FBLN7: variants seen among roughly 807,000 people sequenced by gnomAD.
The protein encoded by FBLN7 is fibulin 7, also known as fibulin-7.
FBLN7 carries 31 observed loss-of-function variants against 44.0 expected under a neutral mutation model. The ratio of observed to expected loss-of-function variants is 0.70; its 90% CI spans 0.53 to 0.95. FBLN7 has a LOEUF of 0.95. FBLN7 is among the 40% of genes least tolerant of loss of function. FBLN7 has a pLI of 0.00. For synonymous variants in FBLN7, 262 were observed against 253.4 expected (o/e 1.03, Z -0.32); for missense variants, 573 against 618.5 (o/e 0.93, Z 0.78).
intron 2 of FBLN7, among the ~76,000 whole-genome samples, chr2:112,164,342 T>C (rs1461986948): frequency 6.6e-6 from 1 of 152,206 alleles, no homozygotes; most frequent in Non-Finnish European, 1.5e-5. Context: ...CACAGGAACA[T>C]AGGCCAGATG....
intron 5 of FBLN7, chr2:112,182,152 C>G (rs887114456): frequency 6.6e-6 from 3 of 457,306 alleles, no homozygotes; most frequent in Non-Finnish European, 1.2e-5. Context: ...ACCCTCCATC[C>G]CCTCCGCCCT....
At chr2:112,205,936 AGT>A in the FBLN7 span, among the ~76,000 whole-genome samples, 1 of 152,184 alleles carries the variant, frequency 6.6e-6, no homozygotes, top group Non-Finnish European at 1.5e-5. Flanking sequence ...ATGTTGAGAC[AGT>A]GTAGAATTGG....
Position 112,187,194 on chromosome 2 carries a change from C to T in FBLN7, c.1008C>T (p.Thr336=), listed in dbSNP as rs1441604404. 6.2e-7 allele frequency: 1 copy of T among 1,614,112 alleles called. No individual in the cohort carries two copies. The highest frequency in any genetic ancestry group is 8.5e-7 in the Non-Finnish European group (1 of 1,180,028). ...DSRPCRHLPK[T]ISFHYLSLPS... is the part of the protein sequence containing the mutation. ...GGCCCTGCCGCCATCTGCCCAAGAC[C>T]ATCTCCTTCCATTACCTCTCTCTGC... The change falls in exon 8 of 8, where the codon ACC becomes ACT. Residue 336 remains threonine (T), a synonymous_variant. Coordinates refer to ENST00000331203, the MANE Select transcript of FBLN7 (RefSeq NM_153214.3). This position sits in a 1 kb window ranked among gnomAD's most constrained non-coding sequence, Gnocchi z 5.1.
At chr2:112,179,282 C>T (rs1221492246) in intron 4 of FBLN7, among the ~76,000 whole-genome samples, 1 of 152,074 alleles carries the variant, frequency 6.6e-6, no homozygotes, top group Non-Finnish European at 1.5e-5. Context: ...TACAGCTAAC[C>T]AGGGAGGTGA....
At chr2:112,221,199 G>A in the FBLN7 span, among the ~76,000 whole-genome samples, 1 of 152,148 alleles carries the variant, frequency 6.6e-6, no homozygotes, top group South Asian at 2.1e-4. Flanking sequence ...ATGTTGAATT[G>A]TAATCCCCAG....
chr2:112,189,729 T>C (rs1683422344), downstream of FBLN7: 2 of 152,204 alleles, frequency 1.3e-5, no homozygotes. Context: ...GCTTCAACAA[T>C]GAACACATGG....
chr2:112,223,047 G>A, the FBLN7 span, among the ~76,000 whole-genome samples: 9 of 151,844 alleles, frequency 5.9e-5, no homozygotes, highest in Non-Finnish European at 1.3e-4. Flanking sequence ...CTCATAGGTG[G>A]GAATTGAACC....
the FBLN7 span, among the ~76,000 whole-genome samples, chr2:112,198,140 CCCT>C: frequency 3.5e-4 from 54 of 152,282 alleles, no homozygotes; most frequent in African/African-American, 1.1e-3. Flanking sequence ...CCTGCTGTCT[CCCT>C]CCTCTGTAAC....
At chr2:112,231,902 T>G in the FBLN7 span, 1 of 1,588,896 alleles carries the variant, frequency 6.3e-7, no homozygotes, top group African/African-American at 1.3e-5. Context: ...GTATTCTCCC[T>G]GATAACATTT....
chr2:112,155,168 A>G (rs1048786203), intron 1 of FBLN7, among the ~76,000 whole-genome samples: 1 of 152,218 alleles, frequency 6.6e-6, no homozygotes, highest in African/African-American at 2.4e-5. Flanking sequence ...AGCTTGGAAA[A>G]AGGGGGCACT....
intron 1 of FBLN7, among the ~76,000 whole-genome samples, chr2:112,150,588 T>C (rs940984461): frequency 2.0e-5 from 3 of 152,072 alleles, no homozygotes; most frequent in Non-Finnish European, 2.9e-5. Flanking sequence ...AAAAATGCTG[T>C]TCTGGGAGGC....
At position 112,187,749 on chromosome 2, in the gene FBLN7, A is replaced by C. The variant is rs74839038; in HGVS notation, c.*243A>C. 2.2e-5 allele frequency: 12 copies of C among 538,266 alleles called. No homozygotes were observed. The highest frequency in any genetic ancestry group is 3.9e-5 in the Non-Finnish European group (12 of 311,038). The allele number at this position is 538,266 out of a possible 1,614,324, so 33.3% of individuals were successfully genotyped here. On this transcript the variant is annotated 3_prime_UTR_variant, in exon 8 of 8. Transcript: ENST00000331203. This position sits in a 1 kb window ranked among gnomAD's most constrained non-coding sequence, Gnocchi z 5.1. ...TTGAGGCCCTTCCCTTAGATTATGC[A>C]CTAACTTTCTTAAAACTTTTTCATC...
downstream of FBLN7, among the ~76,000 whole-genome samples, chr2:112,192,303 A>G (rs1325939446): frequency 6.6e-6 from 1 of 152,192 alleles, no homozygotes; most frequent in African/African-American, 2.4e-5. Flanking sequence ...ATGTATGAAC[A>G]TTCTTGTTCC....
At chr2:112,197,404 C>A in the FBLN7 span, among the ~76,000 whole-genome samples, 1 of 151,908 alleles carries the variant, frequency 6.6e-6, no homozygotes, top group Non-Finnish European at 1.5e-5. Context: ...CTGGCAATCA[C>A]CAAAAGCTAG....
chr2:112,238,850 T>G, the FBLN7 span, among the ~76,000 whole-genome samples: 12 of 152,386 alleles, frequency 7.9e-5, no homozygotes, highest in African/African-American at 2.6e-4. Context: ...TCTTAATTAT[T>G]TGATATGAGA....
chr2:112,147,912 A>C (rs1680967057), intron 1 of FBLN7, among the ~76,000 whole-genome samples: 1 of 152,118 alleles, frequency 6.6e-6, no homozygotes, highest in South Asian at 2.1e-4. Context: ...GTGGCCAAAA[A>C]GAGTGGTGGC....
intron 3 of FBLN7, among the ~76,000 whole-genome samples, chr2:112,172,627 C>CTTTTTTTTTTTT (rs35062438): frequency 2.0e-4 from 18 of 88,154 alleles, no homozygotes; most frequent in African/African-American, 3.2e-4. Context: ...CTTTTTCTTT[C>CTTTTTTTTTTTT]TTTTTTTTTT....
intron 2 of FBLN7, among the ~76,000 whole-genome samples, chr2:112,164,757 C>G (rs1192422513): frequency 6.6e-6 from 1 of 152,204 alleles, no homozygotes; most frequent in Admixed American, 6.5e-5. Context: ...GCCTTGCACA[C>G]AGCACTTAGT....
At chr2:112,158,921 G>A (rs915851413) in intron 1 of FBLN7, among the ~76,000 whole-genome samples, 1 of 152,116 alleles carries the variant, frequency 6.6e-6, no homozygotes, top group Non-Finnish European at 1.5e-5. Context: ...TGGCACCTCC[G>A]GGGAGTGGCC....
Sources: allele counts gnomAD v4.1 joint callset (sites outside exome capture counted in the v4.1 genomes callset), GRCh38; gene constraint gnomAD v4.1.1; non-coding constraint Gnocchi (gnomAD v3.1); transcripts MANE v1.5; gene names NCBI Gene and HGNC (gene_info 2026-07-23, HGNC 2026-07-21).